The following SEMA6A variants were observed in gnomAD, a reference collection of about 807,000 sequenced individuals.
SEMA6A encodes the protein semaphorin-6A.
In SEMA6A, 25 loss-of-function variants were observed where a neutral mutation model predicts 96.8. The ratio of observed to expected loss-of-function variants is 0.26; its 90% CI spans 0.19 to 0.36. The LOEUF (loss-of-function observed/expected upper bound fraction) is 0.36, where lower values mean the gene tolerates loss of function less well. Ranked by LOEUF, SEMA6A falls within the 10% of genes least tolerant of loss-of-function variation. SEMA6A has a pLI of 1.00. For synonymous variants in SEMA6A, 612 were observed against 518.0 expected, an observed-to-expected ratio of 1.18 and a Z score of -2.46; for missense variants, 1,363 against 1,323.1, an observed-to-expected ratio of 1.03 and a Z score of -0.47.
chr5:116,517,429 A>T (rs1403478853), intron 1 of SEMA6A, among the ~76,000 whole-genome samples: 4 of 152,216 alleles, frequency 2.6e-5, no homozygotes, highest in African/African-American at 9.6e-5. Context: ...ACGTCTCTTA[A>T]TTATTCCACA....
In SEMA6A at chr5:116,491,794, C is replaced by T; in HGVS notation, c.481G>A (p.Gly161Arg). The T allele has an allele frequency of 6.2e-7, 1 of 1,613,694 alleles. No homozygotes were observed. Among genetic ancestry groups the T allele is most frequent in the Non-Finnish European group, 8.5e-7 (1 of 1,179,674 alleles). ...TLEPFGDEFS[G>R]MARCPYDAKH... Reference sequence around the variant, plus strand: ...GCATCATATGGGCATCTGGCCATTCCGCTGAATTCATCCCCGAATGGTTCC... The same window carrying T: ...GCATCATATGGGCATCTGGCCATTCTGCTGAATTCATCCCCGAATGGTTCC... The change falls in exon 7 of 19, where the codon GGA becomes AGA. Residue 161 changes from glycine to arginine, a missense_variant. Around this residue, in one of 2 missense-constraint regions of SEMA6A, gnomAD observed 480 missense variants for 559.5 expected, o/e 0.86. Transcript: ENST00000343348.
At chr5:116,571,068 C>T (rs1761190029) in intron 1 of SEMA6A, among the ~76,000 whole-genome samples, 1 of 152,048 alleles carries the variant, frequency 6.6e-6, no homozygotes, top group African/African-American at 2.4e-5. Context: ...TAAAAAGGTG[C>T]ACTTATTGCC....
At chr5:116,560,164 G>A (rs1310961379) in intron 1 of SEMA6A, among the ~76,000 whole-genome samples, 3 of 152,116 alleles carry the variant, frequency 2.0e-5, no homozygotes, top group East Asian at 1.9e-4. Context: ...ACCTCACTCC[G>A]CAATTGAAAT....
chr5:116,481,351 C>G (rs1362477148), intron 11 of SEMA6A, among the ~76,000 whole-genome samples: 1 of 152,254 alleles, frequency 6.6e-6, no homozygotes, highest in African/African-American at 2.4e-5. Flanking sequence ...AGTTAACAAT[C>G]CCAGGCAATG....
Position 116,446,596 on chromosome 5 carries a change from A to AC in SEMA6A, c.*16dup. 2 of 1,462,486 alleles carry AC rather than the reference A, an allele frequency of 1.4e-6. No homozygotes were observed. The highest frequency in any genetic ancestry group is 1.8e-6 in the Non-Finnish European group (2 of 1,104,500). The allele number at this position is 1,462,486 out of a possible 1,614,324, so 90.6% of individuals were successfully genotyped here. Reference sequence around the variant, plus strand: ...GCCTTGCCTGCTGGTTCGACACCTGACCCCCTCCCCCTGGGATTATGTACA... The same window carrying AC: ...GCCTTGCCTGCTGGTTCGACACCTGACCCCCCTCCCCCTGGGATTATGTACA... On this transcript the variant is annotated 3_prime_UTR_variant, in exon 19 of 19. Transcript: ENST00000343348.
intron 1 of SEMA6A, among the ~76,000 whole-genome samples, chr5:116,529,516 A>C (rs1391687060): frequency 6.6e-6 from 1 of 152,162 alleles, no homozygotes; most frequent in African/African-American, 2.4e-5. Context: ...TATCCCATAA[A>C]TATGTACAAT....
intron 1 of SEMA6A, among the ~76,000 whole-genome samples, chr5:116,543,041 G>A (rs1360273322): frequency 6.6e-6 from 1 of 152,070 alleles, no homozygotes; most frequent in Non-Finnish European, 1.5e-5. Flanking sequence ...TAAAGTTGAA[G>A]AATTTTTTTT....
At chr5:116,482,710 G>A (rs1756846601) in intron 10 of SEMA6A, 135 bp from the exon 11 acceptor site, 1 of 770,090 alleles carries the variant, frequency 1.3e-6, no homozygotes, top group African/African-American at 1.8e-5. Context: ...TAAATATAAG[G>A]GATCTTAGTA....
At position 116,458,054 on chromosome 5, in the gene SEMA6A, C is replaced by A. The variant is rs76193125; in HGVS notation, c.1894+9529G>T. The stretch of plus-strand genomic sequence containing the variant: ...TTTTGCCCTCTGTGGACTAGTTTGT[C>A]TATGGAGCAGTGAAGTTTGCAAAGT... On this transcript the variant is annotated intron_variant, in intron 18 of 18. Coordinates refer to ENST00000343348, the MANE Select transcript of SEMA6A (RefSeq NM_020796.5). Among the ~76,000 whole-genome samples the A allele has an allele frequency of 7.8e-4, 119 of 152,150 alleles. 1 individual carries two copies. The East Asian group carries it at 0.023, about 29-fold the overall frequency.
chr5:116,457,582 T>C (rs893280129), intron 18 of SEMA6A, among the ~76,000 whole-genome samples: 2 of 152,154 alleles, frequency 1.3e-5, no homozygotes, highest in African/African-American at 4.8e-5. Context: ...AAGATAGTTG[T>C]CAGGCTGTAG....
At chr5:116,541,194 G>C (rs191452738) in intron 1 of SEMA6A, among the ~76,000 whole-genome samples, 4 of 152,176 alleles carry the variant, frequency 2.6e-5, no homozygotes, top group African/African-American at 9.7e-5. Flanking sequence ...TGGCTACACA[G>C]AATGCTAATT....
intron 17 of SEMA6A, chr5:116,468,985 T>C (rs1755938033): frequency 2.0e-5 from 3 of 152,156 alleles, no homozygotes; most frequent in Admixed American, 2.0e-4. Context: ...TATTGGAAGT[T>C]GGATTTCCCC....
At chr5:116,485,308 C>T (rs1756997130) in intron 10 of SEMA6A, among the ~76,000 whole-genome samples, 1 of 152,130 alleles carries the variant, frequency 6.6e-6, no homozygotes, top group Non-Finnish European at 1.5e-5. Context: ...AAAACAGAAA[C>T]TAGAAAACTA....
Position 116,495,522 on chromosome 5 carries a change from A to G in SEMA6A, c.343-8T>C. 1 of 1,563,582 alleles carries G rather than the reference A, an allele frequency of 6.4e-7. No individual in the cohort carries two copies. The highest frequency in any genetic ancestry group is 8.7e-7 in the Non-Finnish European group (1 of 1,145,998). ...AAAGTTGTGGCACTCATCCTGAAAA[A>G]TAATTCAAACTGTTTTGTATCATGT... On this transcript the variant is annotated splice_region_variant and splice_polypyrimidine_tract_variant and intron_variant, in intron 5 of 18. Transcript: ENST00000343348.
chr5:116,485,034 G>A (rs1756984521), intron 10 of SEMA6A, among the ~76,000 whole-genome samples: 1 of 152,162 alleles, frequency 6.6e-6, no homozygotes, highest in African/African-American at 2.4e-5. Flanking sequence ...AAAGCATGAA[G>A]TAGAGGGATG....
Position 116,447,053 on chromosome 5 carries a change from C to G in SEMA6A, c.2653G>C (p.Glu885Gln). The G allele has an allele frequency of 1.9e-6, 3 of 1,613,938 alleles. No homozygotes were observed. Among genetic ancestry groups the G allele is most frequent in the Non-Finnish European group, 2.5e-6 (3 of 1,179,864 alleles). Reference sequence around the variant, plus strand: ...GCTCCCGGGGGACCCAGGGAGGCCTCCCGCTGTGGAACTTTGGGGGGCAGG... The same window carrying G: ...GCTCCCGGGGGACCCAGGGAGGCCTGCCGCTGTGGAACTTTGGGGGGCAGG... ...DSLPPKVPQR[E>Q]ASLGPPGASL... The change falls in exon 19 of 19, where the codon GAG (glutamate) becomes CAG (glutamine). Residue 885 changes from glutamate to glutamine, a missense_variant. This residue lies in a region of SEMA6A where 883 missense variants were observed against 763.6 expected (regional missense o/e 1.16). Transcript: ENST00000343348.
intron 1 of SEMA6A, among the ~76,000 whole-genome samples, chr5:116,544,601 C>T (rs947575649): frequency 3.9e-5 from 6 of 151,988 alleles, no homozygotes; most frequent in African/African-American, 1.5e-4. Flanking sequence ...ACCTGGCCAA[C>T]TGAGATCATT....
rs536108692 is a variant in SEMA6A at position 116,512,470 on chromosome 5, A to G, written c.-38-7488T>C. On this transcript the variant is annotated intron_variant, in intron 1 of 18. Coordinates refer to ENST00000343348, the MANE Select transcript of SEMA6A (RefSeq NM_020796.5). ...TTTTGGAGAGTGATGATGGCATTCAATGGAGGATAATAATAAATATCGACT... is the reference window on the plus strand; with the variant it reads ...TTTTGGAGAGTGATGATGGCATTCAGTGGAGGATAATAATAAATATCGACT... Among the ~76,000 whole-genome samples, 41 of 152,256 alleles carry G rather than the reference A, an allele frequency of 2.7e-4. 1 individual carries two copies. The South Asian group carries it at 4.4e-3, about 16-fold the overall frequency.
intron 18 of SEMA6A, among the ~76,000 whole-genome samples, chr5:116,464,149 C>A (rs1011617545): frequency 6.6e-5 from 10 of 152,124 alleles, no homozygotes; most frequent in African/African-American, 2.4e-4. Flanking sequence ...GTGATTAGAG[C>A]CCCTTTGTAA....
Sources: gnomAD v4.1 joint callset for allele counts (sites outside exome capture counted in the v4.1 genomes callset) on GRCh38, gnomAD v4.1.1 for gene constraint, gnomAD v4.1.1 regional missense constraint, MANE v1.5 for transcripts, NCBI Gene and HGNC (gene_info 2026-07-23, HGNC 2026-07-21) for gene names.